The following PCSK2 variants were observed in gnomAD, a reference collection of about 807,000 sequenced individuals.
PCSK2 encodes the protein neuroendocrine convertase 2.
A neutral mutation model predicts 69.7 loss-of-function variants in PCSK2; 14 were observed. The observed-to-expected ratio is 0.20, with a 90% CI of 0.13 to 0.31. The LOEUF is 0.31. Ranked by LOEUF, PCSK2 falls within the 10% of genes least tolerant of loss-of-function variation. PCSK2 has a pLI of 1.00. For synonymous variants in PCSK2, 307 were observed against 320.7 expected (o/e 0.96, Z 0.46); for missense variants, 544 against 842.5 (o/e 0.65, Z 4.39).
intron 10 of PCSK2, among the ~76,000 whole-genome samples, chr20:17,459,993 A>G (rs964741846): frequency 5.9e-5 from 9 of 152,218 alleles, no homozygotes; most frequent in Non-Finnish European, 1.3e-4. Flanking sequence ...TAACAGAGAC[A>G]AGGGTTTATT....
chr20:17,397,489 T>A (rs999513183), intron 5 of PCSK2, among the ~76,000 whole-genome samples: 3 of 151,480 alleles, frequency 2.0e-5, no homozygotes, highest in Admixed American at 6.6e-5. Flanking sequence ...TCAATATATT[T>A]TTTTTTTTGA....
chr20:17,259,528 A>G (rs903038212), intron 1 of PCSK2, among the ~76,000 whole-genome samples: 2 of 152,152 alleles, frequency 1.3e-5, no homozygotes, highest in East Asian at 3.9e-4. Context: ...GGCTCTTCCC[A>G]CCAAGTTACC....
At chr20:17,349,169 C>G (rs977002925) in intron 2 of PCSK2, among the ~76,000 whole-genome samples, 11 of 152,170 alleles carry the variant, frequency 7.2e-5, no homozygotes, top group Non-Finnish European at 1.6e-4. Flanking sequence ...ATGGGCTCCA[C>G]AGCTTGCTGG....
At chr20:17,421,807 T>TAAAAAAAAAAAAAAAAAAAAAAAAAAAA (rs56376793) in intron 6 of PCSK2, among the ~76,000 whole-genome samples, 1 of 78,972 alleles carries the variant, frequency 1.3e-5, no homozygotes, top group Admixed American at 1.8e-4. Flanking sequence ...GGAAGAGAGG[T>TAAAAAAAAAAAAAAAAAAAAAAAAAAAA]AAAAAAAAAA....
At chr20:17,330,568 G>A (rs1385357036) in intron 2 of PCSK2, among the ~76,000 whole-genome samples, 2 of 152,126 alleles carry the variant, frequency 1.3e-5, no homozygotes, top group Non-Finnish European at 2.9e-5. Context: ...AGTGAGCCAA[G>A]ATCGCACCAC....
At chr20:17,353,930 A>G (rs948872303) in intron 2 of PCSK2, among the ~76,000 whole-genome samples, 1 of 152,190 alleles carries the variant, frequency 6.6e-6, no homozygotes. Context: ...CCTCACTTAT[A>G]AGTGGGAACT....
At chr20:17,260,184 GT>G (rs895788791) in intron 1 of PCSK2, 55 bp from the exon 2 acceptor site, 16 of 1,133,024 alleles carry the variant, frequency 1.4e-5, no homozygotes, top group African/African-American at 3.0e-5. Flanking sequence ...TGGTGTCCCT[GT>G]CCCTGGGCCA....
chr20:17,268,885 T>C (rs1987745597), intron 2 of PCSK2, among the ~76,000 whole-genome samples: 1 of 152,116 alleles, frequency 6.6e-6, no homozygotes, highest in African/African-American at 2.4e-5. Context: ...ACAAATCAGA[T>C]CTGGGAGTAT....
At position 17,246,137 on chromosome 20, in the gene PCSK2, G is replaced by A. The variant is rs111835896; in HGVS notation, c.178-14103G>A. 3.6e-3 allele frequency among the ~76,000 whole-genome samples: 548 copies of A among 152,246 alleles called. 1 individual carries two copies. The highest frequency in any genetic ancestry group is 5.7e-3 in the Non-Finnish European group (389 of 68,002). ...TTGTCCCCATAGAGCTTGCAATCCA[G>A]GCATTCCGAGGACTGTGTTCTGAGA... On this transcript the variant is annotated intron_variant, in intron 1 of 11. Transcript: ENST00000262545.
intron 2 of PCSK2, among the ~76,000 whole-genome samples, chr20:17,340,943 C>A (rs906072610): frequency 2.6e-5 from 4 of 152,278 alleles, no homozygotes; most frequent in Admixed American, 2.6e-4. Context: ...TAGTTCTTTG[C>A]CAAATTCCCA....
At chr20:17,260,404 G>C (rs1242769240) in intron 2 of PCSK2, 60 bp downstream of exon 2, 1 of 1,106,846 alleles carries the variant, frequency 9.0e-7, no homozygotes, top group Admixed American at 1.7e-5. Flanking sequence ...GCCCACCAAG[G>C]GGGTGTGGAG....
rs974510021 is a variant in PCSK2 at position 17,264,581 on chromosome 20, T to C, written c.282+4237T>C. Among the ~76,000 whole-genome samples, 7 of 152,348 alleles carry C rather than the reference T, an allele frequency of 4.6e-5. No individual in the cohort carries two copies. In the East Asian group the frequency reaches 9.6e-4, roughly 21 times the overall value. ...GTCTTTAAGGGTCTATTCTTGAATA[T>C]ATCTGTGGAGTTTTCAAGATACTGC... On this transcript the variant is annotated intron_variant, in intron 2 of 11. Coordinates refer to ENST00000262545, the MANE Select transcript of PCSK2 (RefSeq NM_002594.5).
At chr20:17,328,575 A>T (rs1990127615) in intron 2 of PCSK2, among the ~76,000 whole-genome samples, 1 of 152,120 alleles carries the variant, frequency 6.6e-6, no homozygotes, top group Non-Finnish European at 1.5e-5. Flanking sequence ...GCTTTAAATG[A>T]CAGTTTTACT....
chr20:17,353,115 A>T (rs2030049844), intron 2 of PCSK2, among the ~76,000 whole-genome samples: 1 of 152,228 alleles, frequency 6.6e-6, no homozygotes, highest in African/African-American at 2.4e-5. Flanking sequence ...CAGAAAAGCA[A>T]ATCAAAAACC....
chr20:17,262,083 G>A (rs1987409995), intron 2 of PCSK2, among the ~76,000 whole-genome samples: 1 of 152,210 alleles, frequency 6.6e-6, no homozygotes, highest in Non-Finnish European at 1.5e-5. Flanking sequence ...TCTCTGAAAT[G>A]CTGATTCTTG....
intron 2 of PCSK2, among the ~76,000 whole-genome samples, chr20:17,268,031 G>GTATATATATATATATATATA (rs750234336): frequency 9.4e-4 from 111 of 117,900 alleles, no homozygotes; most frequent in Non-Finnish European, 1.2e-3. Flanking sequence ...TATATCCAAT[G>GTATATATATATATATATATA]TGTATATATA....
At chr20:17,304,000 AC>A (rs1989246211) in intron 2 of PCSK2, among the ~76,000 whole-genome samples, 2 of 150,456 alleles carry the variant, frequency 1.3e-5, no homozygotes, top group African/African-American at 2.4e-5. Context: ...TATAGCTATT[AC>A]ATAGCTATAT....
intron 2 of PCSK2, among the ~76,000 whole-genome samples, chr20:17,303,474 T>TATATAATATATATTATATTTA (rs1989187450): frequency 4.2e-5 from 2 of 47,144 alleles, no homozygotes; most frequent in Non-Finnish European, 8.7e-5. Flanking sequence ...ATATATATTA[T>TATATAATATATATTATATTTA]ATATAATATA....
intron 5 of PCSK2, among the ~76,000 whole-genome samples, chr20:17,370,207 G>A (rs1568621997): frequency 6.6e-6 from 1 of 152,174 alleles, no homozygotes; most frequent in Non-Finnish European, 1.5e-5. Flanking sequence ...TGTAAAAAAT[G>A]TTGTCTTAGT....
Sources: allele counts gnomAD v4.1 joint callset (sites outside exome capture counted in the v4.1 genomes callset), GRCh38; gene constraint gnomAD v4.1.1; transcripts MANE v1.5; gene names NCBI Gene and HGNC (gene_info 2026-07-23, HGNC 2026-07-21).